DIP2C: variants seen among roughly 807,000 people sequenced by gnomAD.
The protein encoded by DIP2C is DIP2 acetate--CoA ligase C (putative), also known as disco-interacting protein 2 homolog C.
DIP2C carries 33 observed loss-of-function variants against 192.4 expected under a neutral mutation model. That is an observed-to-expected ratio of 0.17 (90% CI 0.13 to 0.23). The LOEUF (loss-of-function observed/expected upper bound fraction) is 0.23. Among genes scored for constraint, DIP2C ranks in the 10% least tolerant of loss-of-function variants. The probability of loss-of-function intolerance (pLI) is 1.00; values close to 1 mark genes in which losing one functional copy is unlikely to be tolerated. For synonymous variants in DIP2C, 979 were observed against 864.1 expected, an observed-to-expected ratio of 1.13 and a Z score of -2.33; for missense variants, 1,537 against 2,110.1, an observed-to-expected ratio of 0.73 and a Z score of 5.32.
chr10:392,577 C>T (rs577549565), intron 10 of DIP2C, among the ~76,000 whole-genome samples: 34 of 152,316 alleles, frequency 2.2e-4, no homozygotes, highest in Non-Finnish European at 4.0e-4. Flanking sequence ...CCCGCGGCCC[C>T]GTCAGACGCC....
intron 1 of DIP2C, among the ~76,000 whole-genome samples, chr10:688,012 C>G (rs1239365013): frequency 3.3e-5 from 5 of 152,148 alleles, no homozygotes; most frequent in Non-Finnish European, 7.4e-5. Flanking sequence ...GCACCTGGGC[C>G]GAGACGCAAG....
intron 17 of DIP2C, among the ~76,000 whole-genome samples, chr10:371,811 C>A (rs114929716): frequency 0.022 from 3,343 of 152,278 alleles, 131 homozygotes; most frequent in African/African-American, 0.077. Flanking sequence ...GGGTCTCCAA[C>A]TCCAGCCTCC....
intron 1 of DIP2C, chr10:663,957 A>G (rs1454874463): frequency 1.3e-5 from 2 of 152,006 alleles, no homozygotes; most frequent in African/African-American, 4.8e-5. Flanking sequence ...GGCAGGGGTG[A>G]CGCTCAGCAC....
chr10:639,695 G>A (rs1218664987), intron 1 of DIP2C, among the ~76,000 whole-genome samples: 1 of 152,226 alleles, frequency 6.6e-6, no homozygotes, highest in Non-Finnish European at 1.5e-5. Flanking sequence ...GAATAGTTTA[G>A]AGCAGTCTTT....
rs766298649 is a variant in DIP2C at position 363,102 on chromosome 10, G to T, written c.2592+95C>A. 7.0e-6 allele frequency: 8 copies of T among 1,138,774 alleles called. No individual in the cohort carries two copies. The highest frequency in any genetic ancestry group is 1.0e-5 in the Non-Finnish European group (8 of 796,374). 70.5% of individuals were successfully genotyped at this position (1,138,774 alleles called of 1,614,324 possible). A position where few individuals can be genotyped will look rare whatever the true frequency, so the allele number is the denominator to read the frequency against. ...GGAAGGGAAAAAGGGCCACCCCATG[G>T]GCAAAGCAACAGCTGGTCACACCAT... On this transcript the variant is annotated intron_variant, in intron 21 of 36. Transcript: ENST00000280886. The surrounding 1 kb of genome is among the most constrained non-coding windows in gnomAD (Gnocchi z 5.4).
intron 1 of DIP2C, among the ~76,000 whole-genome samples, chr10:497,577 C>A (rs1844926244): frequency 6.6e-6 from 1 of 152,204 alleles, no homozygotes; most frequent in African/African-American, 2.4e-5. Flanking sequence ...TCCAGACGCT[C>A]ATACAAGGAA....
intron 9 of DIP2C, among the ~76,000 whole-genome samples, chr10:408,111 A>AC (rs1964936748): frequency 6.6e-6 from 1 of 150,396 alleles, no homozygotes; most frequent in South Asian, 2.1e-4. Context: ...ATTTTGAATG[A>AC]ATTTTTTGCA....
At chr10:318,263 T>G (rs1956862080) in intron 31 of DIP2C, among the ~76,000 whole-genome samples, 1 of 152,224 alleles carries the variant, frequency 6.6e-6, no homozygotes, top group African/African-American at 2.4e-5. Context: ...AGAGCCCTTG[T>G]GGCTCTGTAG....
At position 282,867 on chromosome 10, in the gene DIP2C, T is replaced by A. The variant is rs372450922; in HGVS notation, c.4294+405A>T. The stretch of plus-strand genomic sequence containing the variant: ...AGACCCAGTCCTAGAAGCAGCAGCA[T>A]GCACGTTCCTGCAGCCACTGGGACA... On this transcript the variant is annotated intron_variant, in intron 35 of 36. Transcript: ENST00000280886. Among the ~76,000 whole-genome samples the A allele has an allele frequency of 1.4e-4, 21 of 152,362 alleles. No homozygotes were observed. In the East Asian group the frequency reaches 4.1e-3, roughly 29 times the overall value.
chr10:625,230 C>T (rs1023966097), intron 1 of DIP2C, among the ~76,000 whole-genome samples: 16 of 152,188 alleles, frequency 1.1e-4, no homozygotes, highest in African/African-American at 3.9e-4. Context: ...CGGCCGCAAG[C>T]CTCTGCGCAG....
intron 32 of DIP2C, among the ~76,000 whole-genome samples, chr10:299,765 A>G (rs1244743768): frequency 1.3e-5 from 2 of 152,248 alleles, no homozygotes; most frequent in African/African-American, 2.4e-5. Context: ...TAATATCCAG[A>G]ATGTGTAAGG....
chr10:384,752 G>T, intron 14 of DIP2C, 113 bp from the exon 15 acceptor site: 1 of 1,046,056 alleles, frequency 9.6e-7, no homozygotes, highest in Non-Finnish European at 1.4e-6. Context: ...CTCTCAGGGA[G>T]CGCTGCAGAC....
chr10:584,834 G>A (rs536749226), intron 1 of DIP2C, among the ~76,000 whole-genome samples: 2 of 113,894 alleles, frequency 1.8e-5, no homozygotes, highest in African/African-American at 7.2e-5. Flanking sequence ...CCCCACTCAC[G>A]CGCATCACCT....
intron 1 of DIP2C, among the ~76,000 whole-genome samples, chr10:537,309 G>T (rs1462596431): frequency 6.6e-6 from 1 of 152,072 alleles, no homozygotes; most frequent in East Asian, 1.9e-4. Flanking sequence ...GTGATTTCGG[G>T]GTAAATGACT....
chr10:620,916 T>C (rs1164380964), intron 1 of DIP2C, among the ~76,000 whole-genome samples: 1 of 152,248 alleles, frequency 6.6e-6, no homozygotes, highest in Non-Finnish European at 1.5e-5. Context: ...CTGGAGTATC[T>C]AACGGCTTAA....
intron 9 of DIP2C, among the ~76,000 whole-genome samples, chr10:405,497 GAA>G (rs1282302471): frequency 6.6e-6 from 1 of 152,186 alleles, no homozygotes. Flanking sequence ...CATCAAAACT[GAA>G]AATTTTTTTG....
At chr10:595,258 A>C (rs577052073) in intron 1 of DIP2C, among the ~76,000 whole-genome samples, 3 of 152,336 alleles carry the variant, frequency 2.0e-5, no homozygotes, top group Admixed American at 6.5e-5. Flanking sequence ...CTCGTGGGCC[A>C]TGACAGAAAA....
intron 1 of DIP2C, among the ~76,000 whole-genome samples, chr10:647,270 T>C (rs762066012): frequency 2.6e-4 from 39 of 147,402 alleles, no homozygotes; most frequent in South Asian, 1.3e-3. Flanking sequence ...CATTGGACGG[T>C]GGGAGAGAAC....
In DIP2C at chr10:353,411, TAG is replaced by T. The variant is rs544445014; in HGVS notation, c.2985+3013_2985+3014del. Among the ~76,000 whole-genome samples the T allele has an allele frequency of 7.2e-5, 11 of 152,326 alleles. No homozygotes were observed. The East Asian group carries it at 1.2e-3, about 16-fold the overall frequency. On this transcript the variant is annotated intron_variant, in intron 24 of 36. Coordinates refer to ENST00000280886, the MANE Select transcript of DIP2C (RefSeq NM_014974.3). ...TTCAACCATTTAATTTTTTTCGAGA[TAG>T]AGTCTTGCTCTGTTGCCCAGGTTGG...
Sources: gnomAD v4.1 joint callset for allele counts (sites outside exome capture counted in the v4.1 genomes callset) on GRCh38, gnomAD v4.1.1 for gene constraint, Gnocchi (gnomAD v3.1) non-coding constraint, MANE v1.5 for transcripts, NCBI Gene and HGNC (gene_info 2026-07-23, HGNC 2026-07-21) for gene names.